Variants in CENPE observed in about 807,000 individuals in gnomAD.
CENPE encodes centromere-associated protein E.
In CENPE, 145 loss-of-function variants were observed where a neutral mutation model predicts 336.1. The ratio of observed to expected loss-of-function variants is 0.43; its 90% confidence interval spans 0.38 to 0.50. CENPE has a LOEUF of 0.50. CENPE is among the 20% of genes least tolerant of loss of function. The pLI, the probability that CENPE is intolerant of heterozygous loss-of-function variation, is 0.00. For missense variants in CENPE, 2,719 were observed against 3,023.3 expected, an observed-to-expected ratio of 0.90 and a Z score of 2.36; for synonymous variants, 1,013 against 984.8, an observed-to-expected ratio of 1.03 and a Z score of -0.54.
intron 34 of CENPE, among the ~76,000 whole-genome samples, chr4:103,142,566 A>C (rs1451725556): frequency 6.6e-6 from 1 of 152,212 alleles, no homozygotes; most frequent in Non-Finnish European, 1.5e-5. Flanking sequence ...TTCCTTAGTA[A>C]CAAATCTTAC....
intron 45 of CENPE, among the ~76,000 whole-genome samples, chr4:103,114,990 A>C (rs554585056): frequency 8.6e-4 from 131 of 152,312 alleles, no homozygotes; most frequent in African/African-American, 2.8e-3. Flanking sequence ...CAAAGGTCAA[A>C]TTCTGATCAC....
At chr4:103,114,585 C>T (rs1186531942) in intron 45 of CENPE, 33 bp from the exon 46 acceptor site, 3 of 1,360,692 alleles carry the variant, frequency 2.2e-6, no homozygotes, top group East Asian at 2.3e-5. Flanking sequence ...GTAAAAAGCT[C>T]AGCAACTGAT....
intron 26 of CENPE, among the ~76,000 whole-genome samples, chr4:103,150,905 T>A (rs1010346407): frequency 1.3e-5 from 2 of 152,212 alleles, no homozygotes; most frequent in Non-Finnish European, 2.9e-5. Context: ...TGTTGACTAA[T>A]ATATCTCAAG....
chr4:103,152,653 T>C (rs1172362024), intron 25 of CENPE, among the ~76,000 whole-genome samples: 4 of 152,160 alleles, frequency 2.6e-5, no homozygotes, highest in Admixed American at 1.3e-4. Flanking sequence ...AAAAAAATTA[T>C]GGCGTATTAA....
intron 42 of CENPE, among the ~76,000 whole-genome samples, chr4:103,130,460 A>G (rs1374970989): frequency 6.6e-6 from 1 of 152,192 alleles, no homozygotes; most frequent in Non-Finnish European, 1.5e-5. Context: ...AAATCTAACA[A>G]ATATGTACAA....
At chr4:103,166,785 G>A (rs1039935680) in intron 16 of CENPE, among the ~76,000 whole-genome samples, 1 of 152,084 alleles carries the variant, frequency 6.6e-6, no homozygotes, top group Non-Finnish European at 1.5e-5. Flanking sequence ...GAATCACTTT[G>A]CAAGTCTGAT....
chr4:103,189,382 A>G (rs1308922516), intron 8 of CENPE, among the ~76,000 whole-genome samples: 1 of 152,216 alleles, frequency 6.6e-6, no homozygotes, highest in Non-Finnish European at 1.5e-5. Context: ...CATCGATACA[A>G]AAATCCTCAA....
At chr4:103,144,940 G>A (rs573223011) in intron 32 of CENPE, 110 bp downstream of exon 32, 24 of 982,444 alleles carry the variant, frequency 2.4e-5, no homozygotes, top group African/African-American at 8.4e-5. Context: ...TTTTATTTCC[G>A]GTCCCTTTAT....
intron 1 of CENPE, 52 bp downstream of exon 1, chr4:103,198,212 A>G (rs1757889293): frequency 6.5e-7 from 1 of 1,529,154 alleles, no homozygotes; most frequent in Admixed American, 2.0e-5. Flanking sequence ...CCTCCGGCTC[A>G]GGGCGGCGCC....
intron 24 of CENPE, among the ~76,000 whole-genome samples, chr4:103,156,993 C>T (rs1754012446): frequency 6.9e-6 from 1 of 144,098 alleles, no homozygotes; most frequent in African/African-American, 2.6e-5. Context: ...CATCACTAAT[C>T]ATTAGGAAAA....
Position 103,144,393 on chromosome 4 carries a change from C to G in CENPE, c.5083G>C (p.Glu1695Gln), listed in dbSNP as rs1752832432. ...TCTCTCTCTACTTTGAGAGTCTCCT[C>G]CACACTCCTAAGGTCATCTCTTTCT... is the stretch of plus-strand genomic sequence containing the variant. ...TKERDDLRSVEETLKVERDQL... is the reference protein window; with the variant it reads ...TKERDDLRSVQETLKVERDQL... Residue 1695 changes from glutamate (E) to glutamine (Q), a missense_variant, in exon 33 of 49, where the codon GAG becomes CAG. Around this residue, in one of 5 missense-constraint regions of CENPE, gnomAD observed 2,437 missense variants for 2,513.3 expected, o/e 0.97. Coordinates refer to ENST00000265148, the MANE Select transcript of CENPE (RefSeq NM_001813.3). The G allele has an allele frequency of 6.2e-7, 1 of 1,613,798 alleles. No individual in the cohort carries two copies. The highest frequency in any genetic ancestry group is 1.3e-5 in the African/African-American group (1 of 74,894).
At chr4:103,189,104 T>G (rs1757064754) in intron 8 of CENPE, among the ~76,000 whole-genome samples, 1 of 152,094 alleles carries the variant, frequency 6.6e-6, no homozygotes, top group Non-Finnish European at 1.5e-5. Context: ...AAGAAGTGAA[T>G]CTCTGAATAG....
intron 8 of CENPE, among the ~76,000 whole-genome samples, chr4:103,189,039 C>G (rs1306917392): frequency 6.6e-6 from 1 of 152,140 alleles, no homozygotes. Context: ...ACTAGAAAAT[C>G]TAGAAGAAAT....
Position 103,143,407 on chromosome 4 carries a change from C to T in CENPE, c.5146-1G>A. 1 of 1,571,760 alleles carries T rather than the reference C, an allele frequency of 6.4e-7. No homozygotes were observed. The highest frequency in any genetic ancestry group is 8.7e-7 in the Non-Finnish European group (1 of 1,144,564). On this transcript the variant is annotated splice_acceptor_variant, in intron 33 of 48. Transcript: ENST00000265148. LOFTEE classifies it high-confidence loss of function. ...TTAGCTCCTCTTGTTTTTCTAGGTC[C>T]TTTATCAATAGAAAAATAAAAATAA...
chr4:103,125,464 G>A (rs931237966), intron 42 of CENPE, among the ~76,000 whole-genome samples: 26 of 152,216 alleles, frequency 1.7e-4, no homozygotes, highest in Admixed American at 1.2e-3. Flanking sequence ...CTTAAGCAAT[G>A]TTGGTCCTTA....
chr4:103,128,152 GC>G (rs959763294), intron 42 of CENPE, among the ~76,000 whole-genome samples: 5 of 152,120 alleles, frequency 3.3e-5, no homozygotes, highest in African/African-American at 1.2e-4. Context: ...AGAGTTCAGA[GC>G]AAGGAAAACT....
chr4:103,136,388 A>G (rs1169852174), intron 39 of CENPE, 29 bp from the exon 40 acceptor site: 5 of 1,449,114 alleles, frequency 3.5e-6, no homozygotes, highest in South Asian at 1.2e-5. Context: ...CACTCAATTT[A>G]TAACAATTCA....
At position 103,145,343 on chromosome 4, in the gene CENPE, T is replaced by C; in HGVS notation, c.4573-9A>G. ...TCATAAATCTCTTGGATCTTAAACA[T>C]AATTATAAAATAAGTTAATAGTCAT... is the stretch of plus-strand genomic sequence containing the variant. On this transcript the variant is annotated splice_polypyrimidine_tract_variant and intron_variant, in intron 31 of 48. Coordinates refer to ENST00000265148, the MANE Select transcript of CENPE (RefSeq NM_001813.3). 1 of 1,485,438 alleles carries C rather than the reference T, an allele frequency of 6.7e-7. No individual in the cohort carries two copies. The highest frequency in any genetic ancestry group is 2.3e-5 in the East Asian group (1 of 43,332). The allele number at this position is 1,485,438 out of a possible 1,614,324, so 92.0% of individuals were successfully genotyped here. A position where few individuals can be genotyped will look rare whatever the true frequency, so the allele number is the denominator to read the frequency against.
intron 8 of CENPE, among the ~76,000 whole-genome samples, chr4:103,193,884 A>G (rs1266866713): frequency 1.3e-5 from 2 of 152,078 alleles, no homozygotes; most frequent in African/African-American, 2.4e-5. Context: ...GATTTTACAA[A>G]AAGACCCTCA....
Sources: gnomAD v4.1 joint callset for allele counts (sites outside exome capture counted in the v4.1 genomes callset) on GRCh38, gnomAD v4.1.1 for gene constraint, gnomAD v4.1.1 regional missense constraint, MANE v1.5 for transcripts, NCBI Gene and HGNC (gene_info 2026-07-23, HGNC 2026-07-21) for gene names.